The following BLTP1 variants were observed in gnomAD, a reference collection of about 807,000 sequenced individuals.
BLTP1 encodes the protein fragile site-associated protein.
At chr4:122,213,825 CTT>C in the BLTP1 span, among the ~76,000 whole-genome samples, 1 of 152,104 alleles carries the variant, frequency 6.6e-6, no homozygotes, top group South Asian at 2.1e-4. Context: ...CATATTAAAA[CTT>C]TGTCATTTCT....
At chr4:122,319,804 G>A in the BLTP1 span, among the ~76,000 whole-genome samples, 41 of 152,216 alleles carry the variant, frequency 2.7e-4, no homozygotes, top group South Asian at 8.1e-3. Context: ...CTCCCAAAAT[G>A]CTGGGATTAC....
chr4:122,192,633 C>A, the BLTP1 span, among the ~76,000 whole-genome samples: 2 of 151,908 alleles, frequency 1.3e-5, no homozygotes. Context: ...GAATGAGGAG[C>A]ATATTTGTTG....
the BLTP1 span, among the ~76,000 whole-genome samples, chr4:122,306,948 C>A: frequency 6.6e-6 from 1 of 152,166 alleles, no homozygotes; most frequent in African/African-American, 2.4e-5. Flanking sequence ...TTTGCTGAAT[C>A]CCATGTACAT....
chr4:122,345,982 G>A, the BLTP1 span: 1 of 978,974 alleles, frequency 1.0e-6, no homozygotes, highest in Non-Finnish European at 1.2e-6. Flanking sequence ...AGAAGGAAAT[G>A]TCTATAGGAC....
chr4:122,185,345 C>A, the BLTP1 span: 21 of 984,404 alleles, frequency 2.1e-5, no homozygotes, highest in Non-Finnish European at 2.4e-5. Context: ...CATGGTAGTT[C>A]TTTCATTTGG....
the BLTP1 span, chr4:122,264,130 A>G: frequency 2.1e-5 from 26 of 1,262,092 alleles, no homozygotes; most frequent in African/African-American, 4.6e-5. Flanking sequence ...TTTTCTTTTC[A>G]ATTTAATCAG....
chr4:122,233,316 C>T, the BLTP1 span, among the ~76,000 whole-genome samples: 2 of 152,300 alleles, frequency 1.3e-5, no homozygotes, highest in East Asian at 3.9e-4. Context: ...ATTTTATGCC[C>T]ACAATGATCT....
chr4:122,347,814 A>G, the BLTP1 span: 1 of 1,485,912 alleles, frequency 6.7e-7, no homozygotes, highest in East Asian at 2.3e-5. Flanking sequence ...GTAGCCCTAC[A>G]GTGTTCTCAG....
At chr4:122,336,056 CCTG>C in the BLTP1 span, 1 of 620,844 alleles carries the variant, frequency 1.6e-6, no homozygotes, top group Non-Finnish European at 2.7e-6. Context: ...TTCCTATCAA[CCTG>C]CTACTTTTAT....
the BLTP1 span, chr4:122,325,351 C>T: frequency 2.2e-5 from 34 of 1,571,286 alleles, no homozygotes; most frequent in African/African-American, 4.0e-4. Context: ...TAGAGATATA[C>T]ATTGCTAAGT....
At chr4:122,238,190 C>G in the BLTP1 span, 1 of 1,613,954 alleles carries the variant, frequency 6.2e-7, no homozygotes, top group Non-Finnish European at 8.5e-7. Flanking sequence ...AGTACCATTA[C>G]GATCTCATAG....
At chr4:122,168,585 TA>T in the BLTP1 span, among the ~76,000 whole-genome samples, 56 of 149,308 alleles carry the variant, frequency 3.8e-4, no homozygotes, top group African/African-American at 1.3e-3. Flanking sequence ...TTTTTAAAGT[TA>T]AAAAAAAAAC....
At chr4:122,350,161 G>T in the BLTP1 span, 1 of 1,469,304 alleles carries the variant, frequency 6.8e-7, no homozygotes, top group Non-Finnish European at 9.0e-7. Flanking sequence ...TAATCTGTAT[G>T]CCCCACTTAG....
chr4:122,180,253 T>TGAAA, the BLTP1 span: 5 of 857,092 alleles, frequency 5.8e-6, no homozygotes, highest in Non-Finnish European at 7.0e-6. Context: ...TTTTCATCTA[T>TGAAA]AAAATGAGAA....
the BLTP1 span, chr4:122,246,458 AT>A: frequency 6.5e-6 from 4 of 610,852 alleles, no homozygotes; most frequent in African/African-American, 8.1e-5. Flanking sequence ...TGGAATGTAA[AT>A]AGTTTACTTA....
At chr4:122,228,731 T>G in the BLTP1 span, among the ~76,000 whole-genome samples, 1 of 152,196 alleles carries the variant, frequency 6.6e-6, no homozygotes, top group South Asian at 2.1e-4. Context: ...AATACATCTG[T>G]GCGTATGGAG....
the BLTP1 span, chr4:122,226,868 A>T: frequency 1.0e-5 from 15 of 1,506,520 alleles, 1 homozygote; most frequent in South Asian, 1.9e-4. Context: ...AATATTATAA[A>T]CATTTATGAA....
the BLTP1 span, chr4:122,267,051 A>ATTTTTTTTTGTTTTTTTTTT: frequency 7.2e-6 from 1 of 138,564 alleles, no homozygotes; most frequent in Non-Finnish European, 1.3e-5. Context: ...TAAGGAAGTA[A>ATTTTTTTTTGTTTTTTTTTT]TTTTTTTTTT....
At chr4:122,279,767 A>G in the BLTP1 span, 122 of 1,610,880 alleles carry the variant, frequency 7.6e-5, no homozygotes, top group Middle Eastern at 1.7e-4. Context: ...TTCTTTCTCT[A>G]TTGATAGAAC....
Sources: allele counts gnomAD v4.1 joint callset (sites outside exome capture counted in the v4.1 genomes callset), GRCh38; gene constraint gnomAD v4.1.1; transcripts MANE v1.5; gene names NCBI Gene and HGNC (gene_info 2026-07-23, HGNC 2026-07-21).